The following GULP1 variants were observed in gnomAD, a reference collection of about 807,000 sequenced individuals.
The protein encoded by GULP1 is GULP PTB domain containing engulfment adaptor 1.
A neutral mutation model predicts 40.9 loss-of-function variants in GULP1; 19 were observed. The observed-to-expected ratio is 0.46, with a 90% CI of 0.32 to 0.68. The LOEUF (loss-of-function observed/expected upper bound fraction) is 0.68. Ranked by LOEUF, GULP1 falls within the 30% of genes least tolerant of loss-of-function variation. The probability of loss-of-function intolerance (pLI) is 0.03; values close to 1 mark genes in which losing one functional copy is unlikely to be tolerated. For missense variants in GULP1, 312 were observed against 362.2 expected (o/e 0.86, Z 1.12); for synonymous variants, 119 against 117.6 (o/e 1.01, Z -0.08).
chr2:188,461,192 TC>T (rs2059676464), intron 2 of GULP1, among the ~76,000 whole-genome samples: 1 of 152,184 alleles, frequency 6.6e-6, no homozygotes, highest in Non-Finnish European at 1.5e-5. Flanking sequence ...TTGGAAGTAT[TC>T]CCTCCACCTC....
intron 4 of GULP1, among the ~76,000 whole-genome samples, chr2:188,506,494 T>C (rs2153182655): frequency 6.6e-6 from 1 of 152,086 alleles, no homozygotes; most frequent in Non-Finnish European, 1.5e-5. Flanking sequence ...CTTGAATAAA[T>C]GAGACAAGTC....
At chr2:188,456,196 T>C (rs1307029560) in intron 2 of GULP1, among the ~76,000 whole-genome samples, 1 of 152,154 alleles carries the variant, frequency 6.6e-6, no homozygotes, top group Admixed American at 6.5e-5. Flanking sequence ...AAATTCAAGC[T>C]AGCTGCAGTA....
intron 1 of GULP1, among the ~76,000 whole-genome samples, chr2:188,348,584 G>C (rs2044016187): frequency 6.6e-6 from 1 of 152,026 alleles, no homozygotes; most frequent in Non-Finnish European, 1.5e-5. Context: ...TTGTTTTCTA[G>C]TTGCATATCT....
intron 2 of GULP1, among the ~76,000 whole-genome samples, chr2:188,405,270 G>T (rs2052905929): frequency 6.6e-6 from 1 of 152,154 alleles, no homozygotes; most frequent in African/African-American, 2.4e-5. Flanking sequence ...CTCCAGGCCT[G>T]CACCCATGAT....
At chr2:188,411,659 TC>T (rs1277927181) in intron 2 of GULP1, among the ~76,000 whole-genome samples, 1 of 152,218 alleles carries the variant, frequency 6.6e-6, no homozygotes, top group Non-Finnish European at 1.5e-5. Flanking sequence ...TCCACATACC[TC>T]TTCCCCAAAT....
chr2:188,455,435 A>G (rs1334347038), intron 2 of GULP1, among the ~76,000 whole-genome samples: 1 of 152,120 alleles, frequency 6.6e-6, no homozygotes, highest in Non-Finnish European at 1.5e-5. Flanking sequence ...TTCTCATGAT[A>G]GTGAATGAAA....
chr2:188,594,063 T>A lies in GULP1; in HGVS notation c.*52T>A. The A allele has an allele frequency of 2.2e-6, 2 of 890,838 alleles. No individual in the cohort carries two copies. Among genetic ancestry groups the A allele is most frequent in the Non-Finnish European group, 1.9e-6 (1 of 536,278 alleles). The allele number at this position is 890,838 out of a possible 1,614,324, so 55.2% of individuals were successfully genotyped here. A position where few individuals can be genotyped will look rare whatever the true frequency, so the allele number is the denominator to read the frequency against. On this transcript the variant is annotated 3_prime_UTR_variant, in exon 12 of 12. Coordinates refer to ENST00000409830, the MANE Select transcript of GULP1 (RefSeq NM_016315.4). The stretch of plus-strand genomic sequence containing the variant: ...TGTTAAATGTGTTTGTATACACATG[T>A]CATTTATTATTATTACTTTAAGATA...
intron 1 of GULP1, among the ~76,000 whole-genome samples, chr2:188,338,902 T>G (rs966548548): frequency 1.3e-5 from 2 of 152,200 alleles, no homozygotes; most frequent in Non-Finnish European, 2.9e-5. Context: ...GTTCTGAATC[T>G]TCACCAACTA....
chr2:188,347,269 C>G (rs917912329), intron 1 of GULP1, among the ~76,000 whole-genome samples: 2 of 152,102 alleles, frequency 1.3e-5, no homozygotes, highest in South Asian at 2.1e-4. Flanking sequence ...GTAACTTATT[C>G]AAGTGTATGT....
At chr2:188,585,291 G>C (rs994987459) in intron 10 of GULP1, among the ~76,000 whole-genome samples, 14 of 152,200 alleles carry the variant, frequency 9.2e-5, no homozygotes, top group African/African-American at 3.1e-4. Context: ...AGTGCAAGCT[G>C]TTGGTGGATC....
At chr2:188,498,803 A>G (rs868693435) in intron 4 of GULP1, among the ~76,000 whole-genome samples, 2 of 151,810 alleles carry the variant, frequency 1.3e-5, no homozygotes, top group East Asian at 1.9e-4. Flanking sequence ...TCTGATCACT[A>G]TATTCAAAGC....
intron 4 of GULP1, among the ~76,000 whole-genome samples, chr2:188,521,538 A>G (rs1176984165): frequency 2.0e-5 from 3 of 152,200 alleles, no homozygotes; most frequent in African/African-American, 7.2e-5. Context: ...GAGCAAAGTC[A>G]TGTCTTACAT....
chr2:188,582,897 A>G (rs959621961), intron 9 of GULP1, among the ~76,000 whole-genome samples: 1 of 152,242 alleles, frequency 6.6e-6, no homozygotes, highest in Admixed American at 6.5e-5. Flanking sequence ...AGTTAAAGAT[A>G]GAATGAAGTA....
At chr2:188,375,105 A>T (rs2152462041) in intron 1 of GULP1, among the ~76,000 whole-genome samples, 1 of 152,184 alleles carries the variant, frequency 6.6e-6, no homozygotes, top group East Asian at 1.9e-4. Flanking sequence ...TCTGTGAAAC[A>T]ATTATTATTA....
At chr2:188,330,328 G>A (rs758353291) in intron 1 of GULP1, among the ~76,000 whole-genome samples, 24 of 152,032 alleles carry the variant, frequency 1.6e-4, no homozygotes, top group Non-Finnish European at 2.5e-4. Flanking sequence ...GTAAACTCAG[G>A]TAGACATATA....
rs1044018127 is a variant in GULP1 at position 188,292,339 on chromosome 2, A to G, written c.-172+173A>G. ...GCGTAGCCGCTGGCCAGCAGGTTGT[A>G]AAAAATTAGGACAGCTAAATGCTCA... On this transcript the variant is annotated intron_variant, in intron 1 of 11. Coordinates refer to ENST00000409830, the MANE Select transcript of GULP1 (RefSeq NM_016315.4). The surrounding 1 kb of genome is among the most constrained non-coding windows in gnomAD (Gnocchi z 4.0). 1 of 152,542 alleles carries G rather than the reference A, an allele frequency of 6.6e-6. No individual in the cohort carries two copies. The highest frequency in any genetic ancestry group is 2.4e-5 in the African/African-American group (1 of 41,470). 9.4% of individuals were successfully genotyped at this position (152,542 alleles called of 1,614,324 possible). A position where few individuals can be genotyped will look rare whatever the true frequency, so the allele number is the denominator to read the frequency against.
At chr2:188,373,082 GA>G (rs2047819373) in intron 1 of GULP1, among the ~76,000 whole-genome samples, 1 of 61,710 alleles carries the variant, frequency 1.6e-5, no homozygotes, top group African/African-American at 1.2e-4. Context: ...GGAAGGGAAT[GA>G]TTATATATAT....
At chr2:188,530,833 A>T (rs987226435) in intron 6 of GULP1, among the ~76,000 whole-genome samples, 3 of 152,232 alleles carry the variant, frequency 2.0e-5, no homozygotes, top group Admixed American at 6.5e-5. Context: ...AGTAATTTTG[A>T]TAAGACCATA....
chr2:188,415,139 G>A (rs72909595), intron 2 of GULP1, among the ~76,000 whole-genome samples: 1,855 of 152,186 alleles, frequency 0.012, 16 homozygotes, highest in East Asian at 0.022. Flanking sequence ...CTTTACTATA[G>A]ATTAATATGA....
Sources: gnomAD v4.1 joint callset for allele counts (sites outside exome capture counted in the v4.1 genomes callset) on GRCh38, gnomAD v4.1.1 for gene constraint, Gnocchi (gnomAD v3.1) non-coding constraint, MANE v1.5 for transcripts, NCBI Gene and HGNC (gene_info 2026-07-23, HGNC 2026-07-21) for gene names.